Variants in PNPLA7 observed in about 807,000 individuals in gnomAD.
The protein encoded by PNPLA7 is patatin-like phospholipase domain-containing protein 7.
A neutral mutation model predicts 161.7 loss-of-function variants in PNPLA7; 153 were observed. That is an observed-to-expected ratio of 0.95 (90% CI 0.83 to 1.08). PNPLA7 has a LOEUF of 1.08. Ranked by LOEUF, PNPLA7 falls within the 50% of genes least tolerant of loss-of-function variation. The probability of loss-of-function intolerance (pLI) is 0.00; values close to 1 mark genes in which losing one functional copy is unlikely to be tolerated. For synonymous variants in PNPLA7, 809 were observed against 782.1 expected (o/e 1.03, Z -0.57); for missense variants, 1,739 against 1,856.6 (o/e 0.94, Z 1.16).
At chr9:137,502,934 G>A (rs1034998269) in intron 14 of PNPLA7, among the ~76,000 whole-genome samples, 1 of 151,870 alleles carries the variant, frequency 6.6e-6, no homozygotes, top group Non-Finnish European at 1.5e-5. Flanking sequence ...TGCTTCAAGG[G>A]GGGGCACCCG....
rs895995804 is a variant in PNPLA7, at chr9:137,523,229, C to T, written c.748-372G>A. 3.3e-5 allele frequency among the ~76,000 whole-genome samples: 5 copies of T among 152,176 alleles called. No individual in the cohort carries two copies. Among genetic ancestry groups the T allele is most frequent in the Non-Finnish European group, 7.4e-5 (5 of 68,024 alleles). The stretch of plus-strand genomic sequence containing the variant: ...GTCCGACATCAGCGTCGGTACCCCT[C>T]GCCAAAGGGCGTGCCAGACACCAAC... On this transcript the variant is annotated intron_variant, in intron 8 of 34. Coordinates refer to ENST00000406427, the MANE Select transcript of PNPLA7 (RefSeq NM_001098537.3). This position sits in a 1 kb window ranked among gnomAD's most constrained non-coding sequence, Gnocchi z 4.4.
intron 25 of PNPLA7, 121 bp downstream of exon 25, chr9:137,477,913 C>T: frequency 1.2e-6 from 1 of 829,494 alleles, no homozygotes; most frequent in Non-Finnish European, 1.6e-6. Context: ...GACAGGCGGC[C>T]TGAGGGTCTC....
intron 20 of PNPLA7, chr9:137,491,734 C>G: frequency 1.0e-6 from 1 of 985,458 alleles, no homozygotes; most frequent in South Asian, 4.7e-5. Flanking sequence ...CCATCCGCTT[C>G]TTGGACAGAC....
In PNPLA7 at chr9:137,505,563, G is replaced by T. The variant is rs368123788; in HGVS notation, c.1473+51C>A. 31 of 1,601,894 alleles carry T rather than the reference G, an allele frequency of 1.9e-5. No homozygotes were observed. The South Asian group carries it at 2.7e-4, about 14-fold the overall frequency. On this transcript the variant is annotated intron_variant, in intron 14 of 34. Coordinates refer to ENST00000406427, the MANE Select transcript of PNPLA7 (RefSeq NM_001098537.3). ...ACTGCCCAACAGAGGCAGAGAGGAG[G>T]CCACGGGCCCTGGGTGGGACAAGGG... is the stretch of plus-strand genomic sequence containing the variant.
intron 11 of PNPLA7, among the ~76,000 whole-genome samples, chr9:137,516,940 A>C (rs1415062070): frequency 6.6e-6 from 1 of 151,832 alleles, no homozygotes; most frequent in Non-Finnish European, 1.5e-5. Context: ...ACAAGCACAC[A>C]TGAGTGCAGG....
rs561441172 is a variant in PNPLA7 at position 137,549,404 on chromosome 9, G to A, written c.30+764C>T. 1.6e-4 allele frequency among the ~76,000 whole-genome samples: 24 copies of A among 151,888 alleles called. 1 individual carries two copies. In the South Asian group the frequency reaches 4.6e-3, roughly 29 times the overall value. ...AACACAGTGAAACACCGTCTCTACT[G>A]AAAATACAAAAAAATATTAGCCGGG... On this transcript the variant is annotated intron_variant, in intron 1 of 34. Transcript: ENST00000406427.
In PNPLA7 at chr9:137,464,186, T is replaced by C. The variant is rs773440043; in HGVS notation, c.3166A>G (p.Ile1056Val). 1.2e-6 allele frequency: 2 copies of C among 1,613,734 alleles called. No homozygotes were observed. The highest frequency in any genetic ancestry group is 1.7e-6 in the Non-Finnish European group (2 of 1,179,950). Residue 1056 changes from isoleucine (I) to valine (V), a missense_variant, in exon 28 of 35, where the codon ATT (isoleucine) becomes GTT (valine). Around this residue, in one of 6 missense-constraint regions of PNPLA7, gnomAD observed 703 missense variants for 694.6 expected, o/e 1.01. Transcript: ENST00000406427. Reference protein sequence around the residue: ...FKDQQIEDLWIPYFAITTDIT... With the variant: ...FKDQQIEDLWVPYFAITTDIT... The stretch of plus-strand genomic sequence containing the variant: ...TCGGTGGTGATGGCGAAATAAGGAA[T>C]CCACAGGTCCTGCGGGCGGACGGGG...
chr9:137,531,308 T>TG (rs1236864949), intron 8 of PNPLA7, among the ~76,000 whole-genome samples: 2 of 151,944 alleles, frequency 1.3e-5, no homozygotes, highest in African/African-American at 2.4e-5. Context: ...TGGGGGCGGG[T>TG]GGGGAAAAAG....
intron 26 of PNPLA7, chr9:137,464,718 C>T (rs1831385204): frequency 1.0e-5 from 5 of 496,704 alleles, no homozygotes; most frequent in Admixed American, 3.4e-5. Flanking sequence ...GCCCTACCCT[C>T]GCAGGCTCTG....
intron 29 of PNPLA7, chr9:137,463,209 T>C: frequency 1.7e-6 from 1 of 599,982 alleles, no homozygotes; most frequent in Non-Finnish European, 3.0e-6. Flanking sequence ...CTGGAGCACA[T>C]GCTGCCGGTG....
chr9:137,494,584 C>A (rs1343232511), intron 19 of PNPLA7, among the ~76,000 whole-genome samples: 1 of 151,550 alleles, frequency 6.6e-6, no homozygotes, highest in Non-Finnish European at 1.5e-5. Flanking sequence ...TCACCTGCTC[C>A]GCACCCTCAC....
rs1031704994 is a variant in PNPLA7, at chr9:137,477,900, C to G, written c.2882+134G>C. The G allele has an allele frequency of 8.7e-6, 6 of 691,906 alleles. No individual in the cohort carries two copies. The African/African-American group carries it at 1.1e-4, about 13-fold the overall frequency. 42.9% of individuals were successfully genotyped at this position (691,906 alleles called of 1,614,324 possible). On this transcript the variant is annotated intron_variant, in intron 25 of 34. Transcript: ENST00000406427. ...GGACAGGCCGGGGTGGAGGCTGGGTCTGGACAGGCGGCCTGAGGGTCTCGT... is the reference window on the plus strand; with the variant it reads ...GGACAGGCCGGGGTGGAGGCTGGGTGTGGACAGGCGGCCTGAGGGTCTCGT...
rs1050855392 is a variant in PNPLA7 at position 137,547,018 on chromosome 9, C to T, written c.194-109G>A. 2 of 1,057,006 alleles carry T rather than the reference C, an allele frequency of 1.9e-6. No homozygotes were observed. Among genetic ancestry groups the T allele is most frequent in the Non-Finnish European group, 2.9e-6 (2 of 700,056 alleles). The allele number at this position is 1,057,006 out of a possible 1,614,324, so 65.5% of individuals were successfully genotyped here. ...TACTCTCGTCCCTGCCAGTAACTGG[C>T]CATACTCAGACAGCATGAGGGAAGA... On this transcript the variant is annotated intron_variant, in intron 3 of 34. Transcript: ENST00000406427. This position sits in a 1 kb window ranked among gnomAD's most constrained non-coding sequence, Gnocchi z 4.6.
At chr9:137,501,629 C>A (rs1398364778) in intron 15 of PNPLA7, 21 bp downstream of exon 15, 3 of 1,608,490 alleles carry the variant, frequency 1.9e-6, no homozygotes, top group East Asian at 2.2e-5. Flanking sequence ...TCCCAGTGCC[C>A]CCCCCCAGAC....
rs1179013791 is a variant in PNPLA7 at position 137,537,611 on chromosome 9, A to G, written c.747+3031T>C. On this transcript the variant is annotated intron_variant, in intron 8 of 34. Coordinates refer to ENST00000406427, the MANE Select transcript of PNPLA7 (RefSeq NM_001098537.3). This position sits in a 1 kb window ranked among gnomAD's most constrained non-coding sequence, Gnocchi z 4.5. ...ATTACAGGCGTGAGCCACCGTGCTCAGCCAATCACCTCCCATTTTTTACTC... is the reference window on the plus strand; with the variant it reads ...ATTACAGGCGTGAGCCACCGTGCTCGGCCAATCACCTCCCATTTTTTACTC... 6.6e-6 allele frequency among the ~76,000 whole-genome samples: 1 copy of G among 152,124 alleles called. No homozygotes were observed. The highest frequency in any genetic ancestry group is 1.9e-4 in the East Asian group (1 of 5,182).
At chr9:137,497,137 C>G (rs866118538) in intron 18 of PNPLA7, 50 bp downstream of exon 18, 1 of 1,464,244 alleles carries the variant, frequency 6.8e-7, no homozygotes, top group Middle Eastern at 2.4e-4. Flanking sequence ...CCAGGATGCT[C>G]TGGGAGGGAT....
At position 137,519,933 on chromosome 9, in the gene PNPLA7, C is replaced by A. The variant is rs770412965; in HGVS notation, c.1068G>T (p.Gln356His). ...EERLKKPPRL[Q>H]ESCDSDHGGG... ...GGACAGTACCTGAGTCACAGGACTC[C>A]TGGAGCCGCGGTGGCTTTTTAAGCC... is the stretch of plus-strand genomic sequence containing the variant. The change falls in exon 11 of 35, where the codon CAG becomes CAT. Residue 356 changes from glutamine to histidine, a missense_variant. Coordinates refer to ENST00000406427, the MANE Select transcript of PNPLA7 (RefSeq NM_001098537.3). 3 of 1,612,546 alleles carry A rather than the reference C, an allele frequency of 1.9e-6. No homozygotes were observed. The highest frequency in any genetic ancestry group is 2.5e-6 in the Non-Finnish European group (3 of 1,179,824).
chr9:137,507,919 G>A (rs562925476), intron 12 of PNPLA7, among the ~76,000 whole-genome samples: 4 of 152,110 alleles, frequency 2.6e-5, no homozygotes, highest in Admixed American at 6.5e-5. Flanking sequence ...TGGGCCAGGT[G>A]CAGCGGCTCA....
At chr9:137,535,437 T>A (rs1184368626) in intron 8 of PNPLA7, among the ~76,000 whole-genome samples, 1 of 152,122 alleles carries the variant, frequency 6.6e-6, no homozygotes, top group Non-Finnish European at 1.5e-5. Flanking sequence ...AATTAAAACA[T>A]AAGAACAAAG....
Sources: gnomAD v4.1 joint callset for allele counts (sites outside exome capture counted in the v4.1 genomes callset) on GRCh38, gnomAD v4.1.1 for gene constraint, gnomAD v4.1.1 regional missense constraint, Gnocchi (gnomAD v3.1) non-coding constraint, MANE v1.5 for transcripts, NCBI Gene and HGNC (gene_info 2026-07-23, HGNC 2026-07-21) for gene names.